Variants in TTYH2 observed in about 807,000 individuals in gnomAD.
The protein encoded by TTYH2 is tweety family member 2.
Under a neutral mutation model 68.3 loss-of-function variants are expected in TTYH2, and 49 were observed. That is an observed-to-expected ratio of 0.72 (90% CI 0.57 to 0.91). TTYH2 has a LOEUF of 0.91. TTYH2 is among the 40% of genes least tolerant of loss of function. The pLI, the probability that TTYH2 is intolerant of heterozygous loss-of-function variation, is 0.00. For missense variants in TTYH2, 631 were observed against 700.4 expected, an observed-to-expected ratio of 0.90 and a Z score of 1.12; for synonymous variants, 272 against 300.8, an observed-to-expected ratio of 0.90 and a Z score of 0.99.
intron 3 of TTYH2, among the ~76,000 whole-genome samples, chr17:74,236,959 C>T (rs533504265): frequency 6.7e-6 from 1 of 149,076 alleles, no homozygotes; most frequent in East Asian, 2.0e-4. Context: ...TGCAATGGTG[C>T]GATCTTGACT....
intron 1 of TTYH2, among the ~76,000 whole-genome samples, chr17:74,218,206 C>T (rs1343936932): frequency 6.6e-6 from 1 of 152,092 alleles, no homozygotes; most frequent in Non-Finnish European, 1.5e-5. Context: ...CTACCTGCTC[C>T]TCTTTTCCCT....
Position 74,213,664 on chromosome 17 carries a change from G to C in TTYH2, c.77G>C (p.Arg26Pro). Residue 26 changes from arginine (R) to proline (P), a missense_variant, in exon 1 of 14, where the codon CGC (arginine) becomes CCC (proline). By Grantham distance (103) the Arg-to-Pro change is moderately radical (BLOSUM62 -2). Transcript: ENST00000269346. The surrounding 1 kb of genome is among the most constrained non-coding windows in gnomAD (Gnocchi z 6.1). ...WLHSVPHVGL[R>P]LQPVNSTFSP... is the part of the protein sequence containing the mutation. ...CACAGCGTCCCGCACGTCGGCCTGC[G>C]CCTGCAGCCCGTGAACAGCACCTTC... 6.2e-7 allele frequency: 1 copy of C among 1,612,522 alleles called. No homozygotes were observed. The highest frequency in any genetic ancestry group is 8.5e-7 in the Non-Finnish European group (1 of 1,179,596).
rs1020128426 is a variant in TTYH2 at position 74,239,011 on chromosome 17, C to A, written c.635+1497C>A. Among the ~76,000 whole-genome samples the A allele has an allele frequency of 6.6e-6, 1 of 152,138 alleles. No homozygotes were observed. The highest frequency in any genetic ancestry group is 1.5e-5 in the Non-Finnish European group (1 of 68,022). On this transcript the variant is annotated intron_variant, in intron 4 of 13. Transcript: ENST00000269346. This position sits in a 1 kb window ranked among gnomAD's most constrained non-coding sequence, Gnocchi z 5.3. ...CAGACATGAGCCACCATGCCCAGAC[C>A]AGCCTCACTTATGTAGAACCTGAGT...
chr17:74,227,137 G>A (rs913637410), intron 2 of TTYH2, among the ~76,000 whole-genome samples: 17 of 152,072 alleles, frequency 1.1e-4, no homozygotes, highest in African/African-American at 3.1e-4. Flanking sequence ...ACCATGCCCC[G>A]CTAATTTTTT....
In TTYH2 at chr17:74,260,322, T is replaced by C. The variant is rs1414649266; in HGVS notation, c.*113T>C. The stretch of plus-strand genomic sequence containing the variant: ...GGCATCTGGAGCCCGAGAGGCCTCC[T>C]GCTGTGGCAGAGGAGCAGCTGGGAT... On this transcript the variant is annotated 3_prime_UTR_variant, in exon 14 of 14. Coordinates refer to ENST00000269346, the MANE Select transcript of TTYH2 (RefSeq NM_032646.6). 1 of 1,104,348 alleles carries C rather than the reference T, an allele frequency of 9.1e-7. No homozygotes were observed. Among genetic ancestry groups the C allele is most frequent in the Non-Finnish European group, 1.3e-6 (1 of 741,876 alleles). 68.4% of individuals were successfully genotyped at this position (1,104,348 alleles called of 1,614,324 possible).
intron 4 of TTYH2, among the ~76,000 whole-genome samples, chr17:74,240,476 G>A (rs1170858697): frequency 6.6e-6 from 1 of 151,672 alleles, no homozygotes; most frequent in Non-Finnish European, 1.5e-5. Context: ...TCCAAGGTTG[G>A]CACCTATGGC....
intron 2 of TTYH2, among the ~76,000 whole-genome samples, chr17:74,224,998 CA>C (rs112895924): frequency 8.0e-4 from 99 of 123,370 alleles, no homozygotes; most frequent in African/African-American, 1.1e-3. Context: ...GACTCCGTCT[CA>C]AAAAAAAAAA....
intron 6 of TTYH2, chr17:74,248,548 A>G: frequency 1.0e-6 from 1 of 999,752 alleles, no homozygotes; most frequent in Non-Finnish European, 1.2e-6. Flanking sequence ...TAGATTGAAC[A>G]CCCGTCCCTG....
Position 74,222,531 on chromosome 17 carries a change from A to C in TTYH2, c.176A>C (p.Asn59Thr), listed in dbSNP as rs749889017. ...GTGGCCGCCGTCTGCCTGGGCCTGA[A>C]CCTCATCTTCCTTGTGGCTTACCTG... ...GLVAAVCLGLNLIFLVAYLVC... is the reference protein window; with the variant it reads ...GLVAAVCLGLTLIFLVAYLVC... The change falls in exon 2 of 14, where the codon AAC becomes ACC. Residue 59 changes from asparagine to threonine, a missense_variant. By Grantham distance (65) the Asn-to-Thr change is moderately conservative. Transcript: ENST00000269346. This position sits in a 1 kb window ranked among gnomAD's most constrained non-coding sequence, Gnocchi z 5.2. 1 of 1,612,342 alleles carries C rather than the reference A, an allele frequency of 6.2e-7. No individual in the cohort carries two copies. Among genetic ancestry groups the C allele is most frequent in the Admixed American group, 1.7e-5 (1 of 60,008 alleles).
At chr17:74,245,486 T>G (rs1318108989) in intron 6 of TTYH2, among the ~76,000 whole-genome samples, 1 of 152,224 alleles carries the variant, frequency 6.6e-6, no homozygotes, top group African/African-American at 2.4e-5. Context: ...GCTTCCAGCT[T>G]GCCGCTGTGA....
At chr17:74,252,721 G>T (rs2050646737) in intron 11 of TTYH2, among the ~76,000 whole-genome samples, 1 of 152,240 alleles carries the variant, frequency 6.6e-6, no homozygotes, top group African/African-American at 2.4e-5. Flanking sequence ...CCCAGGAATA[G>T]CAAGAAGGAT....
In TTYH2 at chr17:74,213,921, C is replaced by G. The variant is rs989554178; in HGVS notation, c.129+205C>G. On this transcript the variant is annotated intron_variant, in intron 1 of 13. Transcript: ENST00000269346. This position sits in a 1 kb window ranked among gnomAD's most constrained non-coding sequence, Gnocchi z 6.1. ...CCCTCCTGTCTGGGAACCTGGGGGC[C>G]GGGAAAACTGAAGAGATCAGAGTGA... is the stretch of plus-strand genomic sequence containing the variant. Among the ~76,000 whole-genome samples, 3 of 152,050 alleles carry G rather than the reference C, an allele frequency of 2.0e-5. No individual in the cohort carries two copies. The highest frequency in any genetic ancestry group is 7.2e-5 in the African/African-American group (3 of 41,394).
intron 13 of TTYH2, among the ~76,000 whole-genome samples, chr17:74,259,787 A>G (rs1394712827): frequency 6.6e-6 from 1 of 152,134 alleles, no homozygotes; most frequent in South Asian, 2.1e-4. Flanking sequence ...CTGGGATTTG[A>G]ACCTGCTTCT....
intron 13 of TTYH2, among the ~76,000 whole-genome samples, chr17:74,255,463 T>G (rs2050684063): frequency 2.0e-5 from 3 of 152,098 alleles, no homozygotes; most frequent in Admixed American, 2.0e-4. Flanking sequence ...ATTTTTTATT[T>G]TTTTTTGAGA....
chr17:74,216,702 G>A (rs11650192), intron 1 of TTYH2, among the ~76,000 whole-genome samples: 1 of 152,202 alleles, frequency 6.6e-6, no homozygotes, highest in Non-Finnish European at 1.5e-5. Flanking sequence ...CATGAGAGGT[G>A]AGCACCAAGG....
chr17:74,239,282 G>A lies in TTYH2; in HGVS notation c.635+1768G>A, dbSNP rs568224028. 1.4e-4 allele frequency among the ~76,000 whole-genome samples: 22 copies of A among 152,284 alleles called. 1 individual carries two copies. In the South Asian group the frequency reaches 4.1e-3, roughly 29 times the overall value. On this transcript the variant is annotated intron_variant, in intron 4 of 13. Transcript: ENST00000269346. This position sits in a 1 kb window ranked among gnomAD's most constrained non-coding sequence, Gnocchi z 5.3. ...CAGCCCCAGCCTTTGGAGGGCTCCC[G>A]GCTGAATGATGGCCTGGGCTTGTGC...
At chr17:74,256,472 C>T (rs2050694846) in intron 13 of TTYH2, among the ~76,000 whole-genome samples, 1 of 152,140 alleles carries the variant, frequency 6.6e-6, no homozygotes, top group African/African-American at 2.4e-5. Context: ...CTGCTGGAAC[C>T]AATCCCCCTG....
intron 2 of TTYH2, among the ~76,000 whole-genome samples, chr17:74,226,858 A>G (rs1461379909): frequency 2.6e-5 from 4 of 152,138 alleles, no homozygotes; most frequent in African/African-American, 9.7e-5. Flanking sequence ...CAAGCAGAAC[A>G]GTTTTTCCTA....
At chr17:74,251,858 T>G in intron 10 of TTYH2, 1 of 227,170 alleles carries the variant, frequency 4.4e-6, no homozygotes, top group Non-Finnish European at 8.8e-6. Context: ...TTCTCTCTCT[T>G]TCCTGAACAG....
Sources: allele counts gnomAD v4.1 joint callset (sites outside exome capture counted in the v4.1 genomes callset), GRCh38; gene constraint gnomAD v4.1.1; non-coding constraint Gnocchi (gnomAD v3.1); transcripts MANE v1.5; gene names NCBI Gene and HGNC (gene_info 2026-07-23, HGNC 2026-07-21).